AGBL1: variants seen among roughly 807,000 people sequenced by gnomAD.
AGBL1 encodes AGBL carboxypeptidase 1.
Under a neutral mutation model 118.9 loss-of-function variants are expected in AGBL1, and 130 were observed. The observed-to-expected ratio is 1.09, with a 90% confidence interval of 0.95 to 1.26. The LOEUF is 1.26. Among genes scored for constraint, AGBL1 ranks in the 50% most tolerant of loss-of-function variants. AGBL1 has a pLI of 0.00. For synonymous variants in AGBL1, 555 were observed against 478.9 expected, an observed-to-expected ratio of 1.16 and a Z score of -2.08; for missense variants, 1,584 against 1,298.1, an observed-to-expected ratio of 1.22 and a Z score of -3.38.
chr15:86,405,557 C>T (rs2081513766), intron 18 of AGBL1, among the ~76,000 whole-genome samples: 1 of 151,906 alleles, frequency 6.6e-6, no homozygotes, highest in Non-Finnish European at 1.5e-5. Context: ...GTGCCTATGC[C>T]TAAGATTGGT....
intron 1 of AGBL1, among the ~76,000 whole-genome samples, chr15:86,091,580 T>C (rs1411481951): frequency 6.6e-6 from 1 of 152,226 alleles, no homozygotes; most frequent in Non-Finnish European, 1.5e-5. Flanking sequence ...TTTTTCTTTT[T>C]TAATCCCACA....
intron 18 of AGBL1, among the ~76,000 whole-genome samples, chr15:86,512,081 T>A (rs2083058881): frequency 6.6e-6 from 1 of 151,984 alleles, no homozygotes; most frequent in Non-Finnish European, 1.5e-5. Context: ...TGAAATAATA[T>A]CTGTGTTCCA....
At chr15:86,402,540 G>A (rs2081464239) in intron 18 of AGBL1, among the ~76,000 whole-genome samples, 3 of 152,232 alleles carry the variant, frequency 2.0e-5, no homozygotes, top group Admixed American at 6.5e-5. Context: ...AAAGGTGAAA[G>A]AAATGTCCTG....
chr15:86,635,313 CCTCCTCCTCCT>C (rs2085063317), intron 21 of AGBL1, among the ~76,000 whole-genome samples: 2 of 5,416 alleles, frequency 3.7e-4, no homozygotes, highest in Non-Finnish European at 1.1e-3. Context: ...TCCTCCTCCT[CCTCCTCCTCCT>C]CCTCCTCCTC....
At chr15:86,938,549 G>A (rs1345791631) in intron 23 of AGBL1, among the ~76,000 whole-genome samples, 2 of 152,142 alleles carry the variant, frequency 1.3e-5, no homozygotes, top group African/African-American at 4.8e-5. Context: ...ATGGCATGGG[G>A]GCTGTTCCAT....
chr15:86,616,783 T>C (rs2084733355), intron 21 of AGBL1, among the ~76,000 whole-genome samples: 1 of 152,178 alleles, frequency 6.6e-6, no homozygotes, highest in Non-Finnish European at 1.5e-5. Context: ...TCTCTACCCC[T>C]CAATTTCCTC....
At chr15:86,535,966 C>T (rs1469529565) in intron 19 of AGBL1, among the ~76,000 whole-genome samples, 2 of 151,970 alleles carry the variant, frequency 1.3e-5, no homozygotes, top group Non-Finnish European at 2.9e-5. Flanking sequence ...CCTTTTTTTA[C>T]ATTTGAGGAT....
In AGBL1 at chr15:86,667,425, G is replaced by C. The variant is rs559572457; in HGVS notation, c.2995-6848G>C. The stretch of plus-strand genomic sequence containing the variant: ...GCATTCAATGTTTCCCCTTCTCTTG[G>C]TTTGTCTTCCTGACACTACTACCCA... On this transcript the variant is annotated intron_variant, in intron 21 of 22. Coordinates refer to ENST00000614907, the MANE Select transcript of AGBL1 (RefSeq NM_001386094.1). Among the ~76,000 whole-genome samples the C allele has an allele frequency of 4.0e-5, 6 of 151,882 alleles. No homozygotes were observed. The East Asian group carries it at 1.2e-3, about 29-fold the overall frequency.
chr15:86,792,452 T>G (rs2078508129), intron 22 of AGBL1, among the ~76,000 whole-genome samples: 1 of 152,204 alleles, frequency 6.6e-6, no homozygotes, highest in Non-Finnish European at 1.5e-5. Context: ...CATGGTCTGT[T>G]TAGCATGGAA....
intron 1 of AGBL1, among the ~76,000 whole-genome samples, chr15:86,127,067 A>G (rs893736041): frequency 4.6e-5 from 7 of 152,216 alleles, no homozygotes; most frequent in Non-Finnish European, 7.3e-5. Context: ...CTCTCTTCAT[A>G]GAAACTTAAA....
intron 23 of AGBL1, among the ~76,000 whole-genome samples, chr15:86,972,334 A>G (rs1394531448): frequency 6.6e-6 from 1 of 152,044 alleles, no homozygotes; most frequent in Non-Finnish European, 1.5e-5. Context: ...TGCCCAACAT[A>G]TAACTAAGAC....
At chr15:86,428,586 G>C (rs1043480867) in intron 18 of AGBL1, among the ~76,000 whole-genome samples, 1 of 152,160 alleles carries the variant, frequency 6.6e-6, no homozygotes, top group Admixed American at 6.6e-5. Flanking sequence ...GTTGATTTGA[G>C]TTCTACCTCT....
At chr15:86,636,361 C>T (rs556391164) in intron 21 of AGBL1, among the ~76,000 whole-genome samples, 3 of 151,988 alleles carry the variant, frequency 2.0e-5, no homozygotes, top group Non-Finnish European at 2.9e-5. Flanking sequence ...TCCATTTTCA[C>T]CGTTTCATCT....
chr15:86,157,420 A>C (rs1251312750), intron 4 of AGBL1, among the ~76,000 whole-genome samples: 2 of 152,198 alleles, frequency 1.3e-5, no homozygotes, highest in Admixed American at 1.3e-4. Context: ...TGGTTTCCTA[A>C]AGCATAAATA....
chr15:86,912,948 C>T lies in AGBL1; in HGVS notation c.*5654C>T, dbSNP rs2080370706. 2 of 152,110 alleles carry T rather than the reference C, an allele frequency of 1.3e-5. No individual in the cohort carries two copies. The highest frequency in any genetic ancestry group is 2.9e-5 in the Non-Finnish European group (2 of 68,036). The allele number at this position is 152,110 out of a possible 1,614,324, so 9.4% of individuals were successfully genotyped here. ...GCTCTGGAGCCTGCTGCTGTCTTCC[C>T]AACAGATGTCCTCTTTTGTTTGTGT... On this transcript the variant is annotated 3_prime_UTR_variant, in exon 23 of 23. Coordinates refer to ENST00000614907, the MANE Select transcript of AGBL1 (RefSeq NM_001386094.1).
At chr15:86,535,941 C>G (rs916855473) in intron 19 of AGBL1, among the ~76,000 whole-genome samples, 1 of 152,072 alleles carries the variant, frequency 6.6e-6, no homozygotes, top group African/African-American at 2.4e-5. Context: ...GTTAAGGTAC[C>G]ACATCTAGAA....
chr15:86,930,537 G>A (rs1036225988), intron 23 of AGBL1, among the ~76,000 whole-genome samples: 1 of 151,990 alleles, frequency 6.6e-6, no homozygotes, highest in African/African-American at 2.4e-5. Flanking sequence ...CAATTTGACT[G>A]CTATTTAATA....
At chr15:86,812,785 A>G (rs1402684259) in intron 22 of AGBL1, among the ~76,000 whole-genome samples, 1 of 152,214 alleles carries the variant, frequency 6.6e-6, no homozygotes, top group Non-Finnish European at 1.5e-5. Flanking sequence ...GTTATATTGC[A>G]CTATGCTAGA....
Position 86,314,983 on chromosome 15 carries a change from G to A in AGBL1, c.2374+19575G>A, listed in dbSNP as rs528497496. Among the ~76,000 whole-genome samples, 11 of 152,262 alleles carry A rather than the reference G, an allele frequency of 7.2e-5. 1 individual carries two copies. In the South Asian group the frequency reaches 2.1e-3, roughly 29 times the overall value. On this transcript the variant is annotated intron_variant, in intron 17 of 22. Coordinates refer to ENST00000614907, the MANE Select transcript of AGBL1 (RefSeq NM_001386094.1). Reference sequence around the variant, plus strand: ...GCTTCGGGTTCCTTATCTGTAAATAGGGATAATATTCCCACCTTCCTAAGG... The same window carrying A: ...GCTTCGGGTTCCTTATCTGTAAATAAGGATAATATTCCCACCTTCCTAAGG...
Sources: allele counts gnomAD v4.1 joint callset (sites outside exome capture counted in the v4.1 genomes callset), GRCh38; gene constraint gnomAD v4.1.1; transcripts MANE v1.5; gene names NCBI Gene and HGNC (gene_info 2026-07-23, HGNC 2026-07-21).